Variants in NFATC2 observed in about 807,000 individuals in gnomAD.
The protein encoded by NFATC2 is nuclear factor of activated T cells 2.
A neutral mutation model predicts 87.3 loss-of-function variants in NFATC2; 22 were observed. That is an observed-to-expected ratio of 0.25 (90% CI 0.18 to 0.36). The LOEUF (loss-of-function observed/expected upper bound fraction) is 0.36, where lower values mean the gene tolerates loss of function less well. Among genes scored for constraint, NFATC2 ranks in the 10% least tolerant of loss-of-function variants. The pLI is 1.00. For missense variants in NFATC2, 1,149 were observed against 1,259.1 expected, an observed-to-expected ratio of 0.91 and a Z score of 1.32; for synonymous variants, 565 against 542.2, an observed-to-expected ratio of 1.04 and a Z score of -0.58.
chr20:51,529,433 T>C (rs550151820), intron 1 of NFATC2, among the ~76,000 whole-genome samples: 45 of 152,260 alleles, frequency 3.0e-4, no homozygotes, highest in African/African-American at 1.1e-3. Context: ...TTAATAATCA[T>C]TTAATTCTCA....
At chr20:51,409,910 C>T (rs536429531) in intron 9 of NFATC2, among the ~76,000 whole-genome samples, 232 of 152,184 alleles carry the variant, frequency 1.5e-3, no homozygotes, top group Non-Finnish European at 2.1e-3. Flanking sequence ...GTCAAACAAA[C>T]TTTAACAAAA....
At chr20:51,481,998 A>G (rs1008282997) in intron 3 of NFATC2, among the ~76,000 whole-genome samples, 1 of 152,182 alleles carries the variant, frequency 6.6e-6, no homozygotes, top group African/African-American at 2.4e-5. Context: ...AACCAGGTTA[A>G]CTAACTTGCT....
At chr20:51,447,231 G>A (rs1048031658) in intron 6 of NFATC2, among the ~76,000 whole-genome samples, 17 of 152,116 alleles carry the variant, frequency 1.1e-4, no homozygotes, top group Non-Finnish European at 5.9e-5. Context: ...CCACCCACGC[G>A]TCCTTTCTAA....
At chr20:51,426,421 C>T (rs4332979) in intron 9 of NFATC2, among the ~76,000 whole-genome samples, 4 of 151,412 alleles carry the variant, frequency 2.6e-5, no homozygotes, top group Non-Finnish European at 4.4e-5. Context: ...GAGGTTGCAG[C>T]GAGCCAAGAT....
chr20:51,484,734 T>A (rs1358268028), intron 3 of NFATC2, among the ~76,000 whole-genome samples: 1 of 152,176 alleles, frequency 6.6e-6, no homozygotes, highest in Admixed American at 6.5e-5. Flanking sequence ...TGGGCACGAC[T>A]CAGCTGGTTG....
chr20:51,392,995 C>T (rs1223926863), intron 10 of NFATC2, among the ~76,000 whole-genome samples: 4 of 152,216 alleles, frequency 2.6e-5, no homozygotes, highest in African/African-American at 9.6e-5. Flanking sequence ...CATACCTTTT[C>T]AGGCTGTTGT....
At chr20:51,495,940 C>T (rs1175503912) in intron 3 of NFATC2, among the ~76,000 whole-genome samples, 2 of 152,174 alleles carry the variant, frequency 1.3e-5, no homozygotes, top group African/African-American at 4.8e-5. Flanking sequence ...GCTTTACAGT[C>T]GGGAGCATCT....
chr20:51,425,488 G>A (rs1198205157), intron 9 of NFATC2, among the ~76,000 whole-genome samples: 1 of 152,210 alleles, frequency 6.6e-6, no homozygotes, highest in Non-Finnish European at 1.5e-5. Context: ...TCAGCACAGA[G>A]ACTCCCTGTG....
In NFATC2 at chr20:51,432,206, G is replaced by C. The variant is rs1042885456; in HGVS notation, c.2583C>G (p.Pro861=). The stretch of plus-strand genomic sequence containing the variant: ...TGGCATTCTGCTGCTGAATGACTGT[G>C]GGGTAGGAACCCGGGCTCAGCCTCT... ...QGQRLSPGSY[P]TVIQQQNATS... is the part of the protein sequence containing the mutation. The change falls in exon 9 of 11, where the codon CCC becomes CCG. Residue 861 remains proline (P), a synonymous_variant. Coordinates refer to ENST00000371564, the MANE Select transcript of NFATC2 (RefSeq NM_012340.5). The surrounding 1 kb of genome is among the most constrained non-coding windows in gnomAD (Gnocchi z 4.6). 1 of 1,613,356 alleles carries C rather than the reference G, an allele frequency of 6.2e-7. No individual in the cohort carries two copies. The highest frequency in any genetic ancestry group is 8.5e-7 in the Non-Finnish European group (1 of 1,179,516).
At chr20:51,532,750 T>C (rs2076655508) in intron 1 of NFATC2, among the ~76,000 whole-genome samples, 1 of 152,186 alleles carries the variant, frequency 6.6e-6, no homozygotes, top group East Asian at 1.9e-4. Context: ...TGCCTAGAAC[T>C]GCAGGCGGGT....
rs1280305832 is a variant in NFATC2, at chr20:51,455,678, G to A, written c.1709-990C>T. ...CTGCTGTAAGCCTAGACCAGGAATAGTGCCAAGAACCTAGGAGGAGAACGT... is the reference window on the plus strand; with the variant it reads ...CTGCTGTAAGCCTAGACCAGGAATAATGCCAAGAACCTAGGAGGAGAACGT... On this transcript the variant is annotated intron_variant, in intron 5 of 10. Transcript: ENST00000371564. Among the ~76,000 whole-genome samples, 6 of 103,450 alleles carry A rather than the reference G, an allele frequency of 5.8e-5. No individual in the cohort carries two copies. The East Asian group carries it at 1.4e-3, about 24-fold the overall frequency. 67.9% of individuals were successfully genotyped at this position (103,450 alleles called of 152,430 possible).
Position 51,523,146 on chromosome 20 carries a change from T to C in NFATC2, c.1095A>G (p.Pro365=). Residue 365 remains proline (P), a synonymous_variant, in exon 2 of 11, where the codon CCA becomes CCG. Coordinates refer to ENST00000371564, the MANE Select transcript of NFATC2 (RefSeq NM_012340.5). The surrounding 1 kb of genome is among the most constrained non-coding windows in gnomAD (Gnocchi z 6.9). The part of the protein sequence containing the change: ...CEQGERRNSA[P]ESILLVPPTW... ...TGGGCGGAACCAGCAGGATGGATTC[T>C]GGAGCCGAGTTTCTCCTCTCGCCCT... 6.2e-7 allele frequency: 1 copy of C among 1,614,224 alleles called. No individual in the cohort carries two copies.
intron 10 of NFATC2, among the ~76,000 whole-genome samples, chr20:51,392,117 G>A (rs188097396): frequency 3.3e-3 from 503 of 152,272 alleles, no homozygotes; most frequent in South Asian, 0.019. Context: ...TCCACATCTA[G>A]AAAATGCCTA....
At chr20:51,479,122 T>C (rs999684443) in intron 3 of NFATC2, among the ~76,000 whole-genome samples, 17 of 152,082 alleles carry the variant, frequency 1.1e-4, no homozygotes, top group Non-Finnish European at 1.5e-4. Flanking sequence ...GCTTTTTTTT[T>C]CCCCCTGGAA....
At position 51,388,342 on chromosome 20, in the gene NFATC2, T is replaced by G. The variant is rs1568908972; in HGVS notation, c.*3154A>C. 1 of 152,178 alleles carries G rather than the reference T, an allele frequency of 6.6e-6. No homozygotes were observed. Among genetic ancestry groups the G allele is most frequent in the Non-Finnish European group, 1.5e-5 (1 of 68,036 alleles). 9.4% of individuals were successfully genotyped at this position (152,178 alleles called of 1,614,324 possible). On this transcript the variant is annotated 3_prime_UTR_variant, in exon 11 of 11. Coordinates refer to ENST00000371564, the MANE Select transcript of NFATC2 (RefSeq NM_012340.5). Reference sequence around the variant, plus strand: ...TCAGGGCTGAAGTCAGCATAATTCTTGAGCAAGAAAAAGGTGATTCCTTCT... The same window carrying G: ...TCAGGGCTGAAGTCAGCATAATTCTGGAGCAAGAAAAAGGTGATTCCTTCT...
chr20:51,525,948 C>T (rs1252960008), intron 1 of NFATC2, among the ~76,000 whole-genome samples: 1 of 149,740 alleles, frequency 6.7e-6, no homozygotes, highest in Non-Finnish European at 1.5e-5. Flanking sequence ...CACTTCTCCC[C>T]AAGCTGAGTC....
At chr20:51,396,034 GTATGTATATATATATA>G (rs1168008996) in intron 10 of NFATC2, among the ~76,000 whole-genome samples, 45 of 126,508 alleles carry the variant, frequency 3.6e-4, no homozygotes, top group Middle Eastern at 4.3e-3. Flanking sequence ...TCAGCTCCTA[GTATGTATATATATATA>G]TATATATATA....
chr20:51,396,531 T>TC (rs1987169653), intron 10 of NFATC2, among the ~76,000 whole-genome samples: 1 of 152,092 alleles, frequency 6.6e-6, no homozygotes, highest in Non-Finnish European at 1.5e-5. Flanking sequence ...ACCTCAAGCA[T>TC]GTTTTCCAAA....
At chr20:51,481,068 C>G (rs943636245) in intron 3 of NFATC2, among the ~76,000 whole-genome samples, 2 of 152,140 alleles carry the variant, frequency 1.3e-5, no homozygotes, top group African/African-American at 2.4e-5. Flanking sequence ...GGAATACTTC[C>G]CGTCCACCCT....
Sources: gnomAD v4.1 joint callset for allele counts (sites outside exome capture counted in the v4.1 genomes callset) on GRCh38, gnomAD v4.1.1 for gene constraint, Gnocchi (gnomAD v3.1) non-coding constraint, MANE v1.5 for transcripts, NCBI Gene and HGNC (gene_info 2026-07-23, HGNC 2026-07-21) for gene names.